CDKL4: variants seen among roughly 807,000 people sequenced by gnomAD.
CDKL4 encodes cyclin dependent kinase like 4.
In CDKL4, 44 loss-of-function variants were observed where a neutral mutation model predicts 42.0. That is an observed-to-expected ratio of 1.05 (90% CI 0.82 to 1.35). The LOEUF is 1.35. Ranked by LOEUF, CDKL4 falls within the 40% of genes most tolerant of loss-of-function variation. CDKL4 has a pLI of 0.00. For synonymous variants in CDKL4, 120 were observed against 121.6 expected, an observed-to-expected ratio of 0.99 and a Z score of 0.09; for missense variants, 393 against 369.9, an observed-to-expected ratio of 1.06 and a Z score of -0.51.
At position 39,204,507 on chromosome 2, in the gene CDKL4, T is replaced by A. The variant is rs768631738; in HGVS notation, c.454+20A>T. On this transcript the variant is annotated intron_variant, in intron 5 of 9. Transcript: ENST00000451199. Reference sequence around the variant, plus strand: ...TATCATCATCTGAACTGGGTATTAGTAAAAAAAATTGCTACTTACTCAGAA... The same window carrying A: ...TATCATCATCTGAACTGGGTATTAGAAAAAAAAATTGCTACTTACTCAGAA... 6.1e-5 allele frequency: 87 copies of A among 1,416,652 alleles called. No individual in the cohort carries two copies. Among genetic ancestry groups the A allele is most frequent in the Non-Finnish European group, 8.2e-5 (82 of 1,001,796 alleles). The allele number at this position is 1,416,652 out of a possible 1,614,324, so 87.8% of individuals were successfully genotyped here. A position where few individuals can be genotyped will look rare whatever the true frequency, so the allele number is the denominator to read the frequency against.
At chr2:39,186,059 G>C (rs1434242452) in intron 7 of CDKL4, among the ~76,000 whole-genome samples, 2 of 152,078 alleles carry the variant, frequency 1.3e-5, no homozygotes, top group East Asian at 3.9e-4. Flanking sequence ...AGGAAAGAAG[G>C]GGATGGAGAT....
At chr2:39,224,313 C>T (rs1678558598) in intron 3 of CDKL4, among the ~76,000 whole-genome samples, 1 of 151,908 alleles carries the variant, frequency 6.6e-6, no homozygotes, top group African/African-American at 2.4e-5. Context: ...GTTTAATAAA[C>T]AGATAAACTG....
intron 2 of CDKL4, 59 bp from the exon 3 acceptor site, chr2:39,226,019 A>T (rs1678693969): frequency 1.3e-6 from 2 of 1,487,204 alleles, no homozygotes; most frequent in African/African-American, 2.9e-5. Context: ...GCTTCTACCC[A>T]GACCCCTTAA....
chr2:39,176,042 T>A lies in CDKL4; in HGVS notation c.982A>T (p.Arg328Ter), dbSNP rs1216073118. ...AATTTTAACTGGAGGACTTGTTTTCTTCCATCAGGTGTGGGGGAGATGTGG... is the reference window on the plus strand; with the variant it reads ...AATTTTAACTGGAGGACTTGTTTTCATCCATCAGGTGTGGGGGAGATGTGG... The change falls in exon 10 of 10, where the codon AGA becomes TGA. Residue 328 changes from arginine to a stop codon, truncating the protein, a stop_gained. Transcript: ENST00000451199. LOFTEE classifies it high-confidence loss of function. The A allele has an allele frequency of 2.1e-6, 1 of 470,882 alleles. No individual in the cohort carries two copies. Among genetic ancestry groups the A allele is most frequent in the Non-Finnish European group, 4.4e-6 (1 of 227,028 alleles). The allele number at this position is 470,882 out of a possible 1,614,324, so 29.2% of individuals were successfully genotyped here.
intron 7 of CDKL4, among the ~76,000 whole-genome samples, chr2:39,185,831 C>G (rs1675801161): frequency 6.6e-6 from 1 of 152,126 alleles, no homozygotes. Flanking sequence ...ATACATAAAA[C>G]TGAAGTTAAT....
intron 3 of CDKL4, among the ~76,000 whole-genome samples, chr2:39,224,612 T>C (rs2148380893): frequency 6.6e-6 from 1 of 151,004 alleles, no homozygotes; most frequent in South Asian, 2.1e-4. Flanking sequence ...GAAGCAATCA[T>C]CGTGCCTCAG....
chr2:39,221,063 G>A (rs1430026018), intron 3 of CDKL4, among the ~76,000 whole-genome samples: 1 of 137,776 alleles, frequency 7.3e-6, no homozygotes, highest in African/African-American at 2.7e-5. Context: ...GCCCAGGCTG[G>A]AGTGCAGTGG....
At chr2:39,217,610 C>T (rs1678009119) in intron 3 of CDKL4, among the ~76,000 whole-genome samples, 2 of 152,094 alleles carry the variant, frequency 1.3e-5, no homozygotes, top group Non-Finnish European at 2.9e-5. Flanking sequence ...TTCCATTTCC[C>T]TTCCCAACTT....
At chr2:39,213,805 G>C (rs1677737658) in intron 3 of CDKL4, among the ~76,000 whole-genome samples, 1 of 152,098 alleles carries the variant, frequency 6.6e-6, no homozygotes, top group South Asian at 2.1e-4. Context: ...GTCAAATCTT[G>C]CTACCCCAAA....
intron 5 of CDKL4, among the ~76,000 whole-genome samples, chr2:39,197,032 G>A (rs1039154890): frequency 3.9e-5 from 6 of 152,144 alleles, no homozygotes; most frequent in Admixed American, 3.9e-4. Flanking sequence ...AGCCAATCAA[G>A]GAGGCACCAG....
intron 8 of CDKL4, among the ~76,000 whole-genome samples, chr2:39,182,009 G>C (rs114263624): frequency 0.024 from 3,656 of 151,860 alleles, 53 homozygotes; most frequent in Middle Eastern, 0.027. Flanking sequence ...TTAGAGATGA[G>C]GTTTCACTGT....
intron 3 of CDKL4, among the ~76,000 whole-genome samples, chr2:39,215,516 G>A (rs1170829608): frequency 6.6e-6 from 1 of 152,012 alleles, no homozygotes; most frequent in African/African-American, 2.4e-5. Context: ...TCAACTGTAA[G>A]GATTTTCTTA....
At chr2:39,208,045 T>A (rs1318372587) in intron 4 of CDKL4, among the ~76,000 whole-genome samples, 1 of 152,008 alleles carries the variant, frequency 6.6e-6, no homozygotes, top group African/African-American at 2.4e-5. Flanking sequence ...GAGGTTGCAG[T>A]GAGCTGTAGT....
chr2:39,206,001 A>C (rs1255310610), intron 4 of CDKL4, among the ~76,000 whole-genome samples: 1 of 151,754 alleles, frequency 6.6e-6, no homozygotes, highest in East Asian at 1.9e-4. Flanking sequence ...CAGAATCCAT[A>C]CTGGGAAAGT....
intron 1 of CDKL4, among the ~76,000 whole-genome samples, chr2:39,235,972 G>C (rs532952391): frequency 5.3e-5 from 8 of 152,196 alleles, no homozygotes; most frequent in African/African-American, 1.7e-4. Context: ...TGGATTCTGA[G>C]TAGACTCAGA....
At chr2:39,178,536 T>A (rs1464488147) in intron 9 of CDKL4, 2 of 1,550,156 alleles carry the variant, frequency 1.3e-6, no homozygotes, top group African/African-American at 2.7e-5. Context: ...ACAAACCTAT[T>A]TCCATGGAGT....
intron 5 of CDKL4, among the ~76,000 whole-genome samples, chr2:39,199,411 T>G (rs1676714937): frequency 6.6e-6 from 1 of 151,830 alleles, no homozygotes; most frequent in Non-Finnish European, 1.5e-5. Flanking sequence ...TATCAGACAT[T>G]CAAAGAAAAA....
At chr2:39,189,265 G>A (rs1026941439) in intron 6 of CDKL4, among the ~76,000 whole-genome samples, 15 of 152,186 alleles carry the variant, frequency 9.9e-5, no homozygotes, top group African/African-American at 3.6e-4. Context: ...ATGAAGCTGT[G>A]GCTCACTTTT....
intron 1 of CDKL4, among the ~76,000 whole-genome samples, chr2:39,240,550 C>T (rs1679609601): frequency 1.3e-5 from 2 of 151,620 alleles, no homozygotes; most frequent in Middle Eastern, 3.4e-3. Context: ...CAGAAGAGGT[C>T]CCTATATGGA....
Sources: allele counts gnomAD v4.1 joint callset (sites outside exome capture counted in the v4.1 genomes callset), GRCh38; gene constraint gnomAD v4.1.1; transcripts MANE v1.5; gene names NCBI Gene and HGNC (gene_info 2026-07-23, HGNC 2026-07-21).